Variants in LARGE1 observed in about 807,000 individuals in gnomAD.
LARGE1 encodes xylosyl- and glucuronyltransferase LARGE1.
Under a neutral mutation model 87.6 loss-of-function variants are expected in LARGE1, and 43 were observed. The ratio of observed to expected loss-of-function variants is 0.49; its 90% CI spans 0.38 to 0.63. LARGE1 has a LOEUF of 0.63. Ranked by LOEUF, LARGE1 falls within the 30% of genes least tolerant of loss-of-function variation. The pLI, the probability that LARGE1 is intolerant of heterozygous loss-of-function variation, is 0.00. For synonymous variants in LARGE1, 434 were observed against 394.6 expected, an observed-to-expected ratio of 1.10 and a Z score of -1.18; for missense variants, 802 against 1,000.2, an observed-to-expected ratio of 0.80 and a Z score of 2.67.
intron 6 of LARGE1, among the ~76,000 whole-genome samples, chr22:33,549,107 C>T (rs1459410293): frequency 2.0e-5 from 3 of 152,206 alleles, no homozygotes; most frequent in Non-Finnish European, 4.4e-5. Context: ...TAAAAGGCCC[C>T]TCCATTCATT....
chr22:33,577,298 T>A (rs758516346), intron 5 of LARGE1, among the ~76,000 whole-genome samples: 1 of 151,258 alleles, frequency 6.6e-6, no homozygotes, highest in South Asian at 2.1e-4. Flanking sequence ...TAAAAAGAGG[T>A]TAAGAAACAC....
chr22:33,206,056 G>A (rs1459382597), intron 11 of LARGE1, among the ~76,000 whole-genome samples: 5 of 146,280 alleles, frequency 3.4e-5, no homozygotes, highest in African/African-American at 5.1e-5. Context: ...CCCGGTTCAC[G>A]CCATTCTCCT....
At chr22:33,237,015 A>C (rs186095243) in intron 11 of LARGE1, among the ~76,000 whole-genome samples, 233 of 152,334 alleles carry the variant, frequency 1.5e-3, no homozygotes, top group African/African-American at 5.3e-3. Flanking sequence ...AAGAGAGTAG[A>C]GATCATCAGC....
intron 9 of LARGE1, among the ~76,000 whole-genome samples, chr22:33,345,720 T>C (rs896625360): frequency 2.0e-5 from 3 of 152,132 alleles, no homozygotes; most frequent in Non-Finnish European, 4.4e-5. Context: ...CAGAAGTCCA[T>C]GTGATTAAAG....
At chr22:33,384,066 G>GT (rs1376364988) in intron 8 of LARGE1, 126 bp downstream of exon 8, 6 of 783,250 alleles carry the variant, frequency 7.7e-6, no homozygotes, top group Non-Finnish European at 1.4e-5. Context: ...TAAGGCAGCT[G>GT]TATCAGAGCA....
At chr22:33,847,924 T>C (rs1021932045) in intron 1 of LARGE1, among the ~76,000 whole-genome samples, 4 of 152,150 alleles carry the variant, frequency 2.6e-5, no homozygotes, top group Non-Finnish European at 5.9e-5. Context: ...ATCAAACTGG[T>C]AATTTCTGCC....
chr22:33,197,086 T>C (rs1021525509), intron 11 of LARGE1, among the ~76,000 whole-genome samples: 2 of 152,182 alleles, frequency 1.3e-5, no homozygotes, highest in African/African-American at 2.4e-5. Context: ...AGAAAAACAT[T>C]TGAGAAAATG....
chr22:33,461,883 C>A (rs1432056573), intron 6 of LARGE1, among the ~76,000 whole-genome samples: 3 of 152,066 alleles, frequency 2.0e-5, no homozygotes, highest in Non-Finnish European at 4.4e-5. Context: ...ACCAACTTGA[C>A]AGCTACTTGA....
intron 11 of LARGE1, among the ~76,000 whole-genome samples, chr22:33,167,987 C>T (rs1922363745): frequency 6.6e-6 from 1 of 152,140 alleles, no homozygotes; most frequent in Non-Finnish European, 1.5e-5. Context: ...GGAAACTGCC[C>T]CTCTCACAAC....
the LARGE1 span, among the ~76,000 whole-genome samples, chr22:33,125,596 G>T: frequency 6.6e-6 from 1 of 151,988 alleles, no homozygotes; most frequent in East Asian, 1.9e-4. Context: ...ATAGGCACAT[G>T]TCACCATGTC....
chr22:33,624,715 AAGG>A lies in LARGE1; in HGVS notation c.491+1526_491+1528del, dbSNP rs575568969. Among the ~76,000 whole-genome samples, 259 of 152,314 alleles carry A rather than the reference AAGG, an allele frequency of 1.7e-3. 1 individual carries two copies. Among genetic ancestry groups the A allele is most frequent in the African/African-American group, 5.9e-3 (247 of 41,572 alleles). On this transcript the variant is annotated intron_variant, in intron 4 of 14. Transcript: ENST00000397394. ...AAGGGTTTGATTTCCACCCCTTGACAAGGAGAAGCCGCTAAAAGGTTTTGAGAA... is the reference window on the plus strand; with the variant it reads ...AAGGGTTTGATTTCCACCCCTTGACAAGAAGCCGCTAAAAGGTTTTGAGAA...
chr22:33,908,771 G>GA (rs2065533748), intron 1 of LARGE1, among the ~76,000 whole-genome samples: 1 of 152,140 alleles, frequency 6.6e-6, no homozygotes, highest in Non-Finnish European at 1.5e-5. Context: ...CTGTTATCCA[G>GA]AATGGCTTAC....
chr22:33,816,689 T>TAGATAGATAGACAGACAGAC (rs1230056474), intron 1 of LARGE1, among the ~76,000 whole-genome samples: 3 of 132,480 alleles, frequency 2.3e-5, no homozygotes, highest in African/African-American at 2.7e-5. Context: ...GATAGATAGA[T>TAGATAGATAGACAGACAGAC]AGACAGACAG....
At chr22:33,818,150 T>C (rs560061803) in intron 1 of LARGE1, among the ~76,000 whole-genome samples, 1 of 152,320 alleles carries the variant, frequency 6.6e-6, no homozygotes, top group South Asian at 2.1e-4. Context: ...AGCCACATGG[T>C]AGCTCCTTCT....
chr22:33,912,495 T>G (rs1291999219), intron 1 of LARGE1, among the ~76,000 whole-genome samples: 2 of 152,194 alleles, frequency 1.3e-5, no homozygotes, highest in Non-Finnish European at 2.9e-5. Flanking sequence ...GCCTTGGTAA[T>G]TCAGAAAAGG....
At position 33,334,409 on chromosome 22, in the gene LARGE1, CA is replaced by C. The variant is rs529074589; in HGVS notation, c.1287+3236del. On this transcript the variant is annotated intron_variant, in intron 10 of 14. Coordinates refer to ENST00000397394, the MANE Select transcript of LARGE1 (RefSeq NM_133642.5). ...CTGGCGACAGAGCAAGACTCTGTCT[CA>C]AAAAAAAAAAAACAAAAAAAAAAAA... Among the ~76,000 whole-genome samples the C allele has an allele frequency of 3.3e-3, 127 of 39,058 alleles. 2 individuals are homozygous for C. Among genetic ancestry groups the C allele is most frequent in the African/African-American group, 0.016 (89 of 5,574 alleles). 25.6% of individuals were successfully genotyped at this position (39,058 alleles called of 152,430 possible). A position where few individuals can be genotyped will look rare whatever the true frequency, so the allele number is the denominator to read the frequency against.
At chr22:33,290,167 CCCT>C (rs1932272699) in intron 12 of LARGE1, among the ~76,000 whole-genome samples, 1 of 152,174 alleles carries the variant, frequency 6.6e-6, no homozygotes, top group South Asian at 2.1e-4. Context: ...ACACCTCCCT[CCCT>C]CCATCTCATT....
the LARGE1 span, among the ~76,000 whole-genome samples, chr22:33,124,015 A>G: frequency 2.0e-5 from 3 of 152,258 alleles, no homozygotes; most frequent in Admixed American, 1.3e-4. Context: ...GCCAGGCACG[A>G]TGGCTCACGT....
At position 33,813,185 on chromosome 22, in the gene LARGE1, G is replaced by A. The variant is rs148566883; in HGVS notation, c.-82-51627C>T. On this transcript the variant is annotated intron_variant, in intron 1 of 14. Coordinates refer to ENST00000397394, the MANE Select transcript of LARGE1 (RefSeq NM_133642.5). ...AGCCTGGCCAACATGGCAAAATCCC[G>A]TCTCTAGTAAAGATACAAGATCGTG... 1.9e-3 allele frequency among the ~76,000 whole-genome samples: 289 copies of A among 150,238 alleles called. 1 individual carries two copies. Among genetic ancestry groups the A allele is most frequent in the African/African-American group, 6.6e-3 (267 of 40,754 alleles).
Sources: gnomAD v4.1 joint callset for allele counts (sites outside exome capture counted in the v4.1 genomes callset) on GRCh38, gnomAD v4.1.1 for gene constraint, MANE v1.5 for transcripts, NCBI Gene and HGNC (gene_info 2026-07-23, HGNC 2026-07-21) for gene names.